GRM5: variants seen among roughly 807,000 people sequenced by gnomAD.
GRM5 encodes glutamate metabotropic receptor 5, also known as metabotropic glutamate receptor 5.
GRM5 carries 19 observed loss-of-function variants against 83.1 expected under a neutral mutation model. That is an observed-to-expected ratio of 0.23 (90% CI 0.16 to 0.34). The LOEUF (loss-of-function observed/expected upper bound fraction) is 0.34. Ranked by LOEUF, GRM5 falls within the 10% of genes least tolerant of loss-of-function variation. The pLI is 1.00. For synonymous variants in GRM5, 675 were observed against 633.6 expected, an observed-to-expected ratio of 1.07 and a Z score of -0.98; for missense variants, 1,160 against 1,588.3, an observed-to-expected ratio of 0.73 and a Z score of 4.58.
At chr11:89,012,677 G>A (rs1412402656) in intron 2 of GRM5, among the ~76,000 whole-genome samples, 1 of 152,142 alleles carries the variant, frequency 6.6e-6, no homozygotes, top group African/African-American at 2.4e-5. Context: ...AGGAGACATA[G>A]ACTTAAAGCT....
rs765291366 is a variant in GRM5 at position 88,567,837 on chromosome 11, C to T, written c.1846G>A (p.Glu616Lys). The change falls in exon 8 of 10, where the codon GAA becomes AAA. Residue 616 changes from glutamate to lysine, a missense_variant. By Grantham distance (56) the Glu-to-Lys change is moderately conservative. Around this residue, in one of 9 missense-constraint regions of GRM5, gnomAD observed 132 missense variants for 245.5 expected, o/e 0.54. Transcript: ENST00000305447. This position sits in a 1 kb window ranked among gnomAD's most constrained non-coding sequence, Gnocchi z 7.3. ...CCAGCAAGGATAATGTAGCAGAGTT[C>T]CCTGCTTGAGGACTTGACTACTGGT... is the stretch of plus-strand genomic sequence containing the variant. ...DTPVVKSSSR[E>K]LCYIILAGIC... is the part of the protein sequence containing the mutation. 6.2e-7 allele frequency: 1 copy of T among 1,614,076 alleles called. No individual in the cohort carries two copies. Among genetic ancestry groups the T allele is most frequent in the South Asian group, 1.1e-5 (1 of 91,076 alleles).
chr11:88,652,527 T>G (rs540491349), intron 4 of GRM5, among the ~76,000 whole-genome samples: 1 of 152,084 alleles, frequency 6.6e-6, no homozygotes, highest in Admixed American at 6.6e-5. Context: ...CCTTCCAAGA[T>G]AGTAAACCTT....
At chr11:88,685,965 G>A (rs549716612) in intron 3 of GRM5, among the ~76,000 whole-genome samples, 165 of 152,340 alleles carry the variant, frequency 1.1e-3, no homozygotes, top group African/African-American at 3.3e-3. Context: ...CCCCCACACA[G>A]AATCCTGACT....
intron 3 of GRM5, among the ~76,000 whole-genome samples, chr11:88,794,909 C>G (rs1415274714): frequency 6.6e-6 from 1 of 152,220 alleles, no homozygotes; most frequent in Non-Finnish European, 1.5e-5. Flanking sequence ...GCTAAGATAG[C>G]TATGGCTGTA....
At chr11:88,568,397 A>G (rs989561506) in intron 7 of GRM5, among the ~76,000 whole-genome samples, 1 of 152,068 alleles carries the variant, frequency 6.6e-6, no homozygotes, top group African/African-American at 2.4e-5. Flanking sequence ...GGTTTGATGG[A>G]GTTGGGGATT....
Position 88,939,856 on chromosome 11 carries a change from T to C in GRM5, c.662-89701A>G, listed in dbSNP as rs1269056500. ...GTTGAAAAAATAAGTCAGAGGAGCA[T>C]TGCAAACAATGGCTAAAAGTACAGA... On this transcript the variant is annotated intron_variant, in intron 2 of 9. Coordinates refer to ENST00000305447, the MANE Select transcript of GRM5 (RefSeq NM_001143831.3). Among the ~76,000 whole-genome samples, 6 of 151,758 alleles carry C rather than the reference T, an allele frequency of 4.0e-5. No homozygotes were observed. In the East Asian group the frequency reaches 7.7e-4, roughly 20 times the overall value.
chr11:88,850,302 T>C (rs1944367462), intron 2 of GRM5, 147 bp from the exon 3 acceptor site: 1 of 728,714 alleles, frequency 1.4e-6, no homozygotes, highest in Non-Finnish European at 2.3e-6. Context: ...TTTGCTCTTT[T>C]GCCGAATTGC....
intron 9 of GRM5, among the ~76,000 whole-genome samples, chr11:88,515,029 A>T (rs1193403612): frequency 1.3e-5 from 2 of 152,114 alleles, no homozygotes; most frequent in African/African-American, 4.8e-5. Flanking sequence ...TGGGAGGAGA[A>T]TCACTCGATC....
intron 3 of GRM5, among the ~76,000 whole-genome samples, chr11:88,831,153 T>TCAC (rs1383418675): frequency 6.6e-6 from 1 of 152,216 alleles, no homozygotes; most frequent in Admixed American, 6.5e-5. Context: ...GAGAGCCCAG[T>TCAC]CACCACCAGT....
Position 88,518,631 on chromosome 11 carries a change from T to C in GRM5, c.2726+6678A>G, listed in dbSNP as rs1009828848. On this transcript the variant is annotated intron_variant, in intron 9 of 9. Transcript: ENST00000305447. ...TCCAAGAAGGGCATATGAGCATATA[T>C]GTTGGCTCCATTATTGTTAGCCATA... Among the ~76,000 whole-genome samples the C allele has an allele frequency of 3.9e-5, 6 of 152,144 alleles. No individual in the cohort carries two copies. In the South Asian group the frequency reaches 1.2e-3, roughly 32 times the overall value.
intron 8 of GRM5, among the ~76,000 whole-genome samples, chr11:88,534,820 G>A (rs1942098024): frequency 6.6e-6 from 1 of 152,298 alleles, no homozygotes; most frequent in East Asian, 1.9e-4. Flanking sequence ...TGTGTTGTGG[G>A]AGGGACCTTG....
intron 3 of GRM5, among the ~76,000 whole-genome samples, chr11:88,692,499 A>G (rs1298709517): frequency 6.6e-6 from 1 of 152,194 alleles, no homozygotes; most frequent in Non-Finnish European, 1.5e-5. Context: ...GACATCCGAA[A>G]GTCCCATCAC....
chr11:88,923,105 GA>G (rs1202659760), intron 2 of GRM5, among the ~76,000 whole-genome samples: 1 of 151,998 alleles, frequency 6.6e-6, no homozygotes, highest in Admixed American at 6.6e-5. Context: ...AAAAGACTGG[GA>G]ATATAAATTA....
At chr11:88,687,490 C>G (rs1235024736) in intron 3 of GRM5, among the ~76,000 whole-genome samples, 1 of 85,004 alleles carries the variant, frequency 1.2e-5, no homozygotes, top group African/African-American at 5.7e-5. Flanking sequence ...AACAAACAAA[C>G]AAACAAAAAA....
chr11:88,534,933 G>T (rs1416826747), intron 8 of GRM5, among the ~76,000 whole-genome samples: 1 of 152,108 alleles, frequency 6.6e-6, no homozygotes, highest in Non-Finnish European at 1.5e-5. Context: ...AACTTGTTTT[G>T]CTTGGCTGTC....
At chr11:88,955,036 T>A (rs1206679828) in intron 2 of GRM5, among the ~76,000 whole-genome samples, 1 of 152,348 alleles carries the variant, frequency 6.6e-6, no homozygotes, top group East Asian at 1.9e-4. Flanking sequence ...TCTATAATGA[T>A]TTATGGCCTG....
chr11:88,690,874 C>T (rs1223027499), intron 3 of GRM5, among the ~76,000 whole-genome samples: 1 of 152,150 alleles, frequency 6.6e-6, no homozygotes, highest in Non-Finnish European at 1.5e-5. Context: ...TTCGACTTCA[C>T]CTCTTTATTC....
At chr11:88,676,097 A>G (rs192934465) in intron 3 of GRM5, among the ~76,000 whole-genome samples, 19 of 152,174 alleles carry the variant, frequency 1.2e-4, no homozygotes, top group African/African-American at 4.6e-4. Context: ...TTTATCCTTT[A>G]GGGAAGTTAC....
chr11:88,611,984 T>C (rs1201834501), intron 4 of GRM5, among the ~76,000 whole-genome samples: 1 of 151,806 alleles, frequency 6.6e-6, no homozygotes, highest in Non-Finnish European at 1.5e-5. Context: ...TTTTTTATTA[T>C]ACTTTAAGTT....
Sources: gnomAD v4.1 joint callset for allele counts (sites outside exome capture counted in the v4.1 genomes callset) on GRCh38, gnomAD v4.1.1 for gene constraint, gnomAD v4.1.1 regional missense constraint, Gnocchi (gnomAD v3.1) non-coding constraint, MANE v1.5 for transcripts, NCBI Gene and HGNC (gene_info 2026-07-23, HGNC 2026-07-21) for gene names.